The following FANCB variants were observed in gnomAD, a reference collection of about 807,000 sequenced individuals.
The protein encoded by FANCB is Fanconi anemia group B protein.
Under a neutral mutation model 38.9 loss-of-function variants are expected in FANCB, and 5 were observed. The observed-to-expected ratio is 0.13, with a 90% confidence interval of 0.07 to 0.27. FANCB has a LOEUF of 0.27. Among genes scored for constraint, FANCB ranks in the 10% least tolerant of loss-of-function variants. The pLI is 1.00. For missense variants in FANCB, 573 were observed against 602.7 expected, an observed-to-expected ratio of 0.95 and a Z score of 0.52; for synonymous variants, 236 against 215.4, an observed-to-expected ratio of 1.10 and a Z score of -0.84.
At chrX:14,868,334 A>C (rs976199587) in intron 2 of FANCB, among the ~76,000 whole-genome samples, 2 of 111,953 alleles carry the variant, frequency 1.8e-5, no homozygotes, top group Admixed American at 1.9e-4. Context: ...ATGGATTAAA[A>C]AATTTGGTGT....
At chrX:14,795,923 A>G in the FANCB span, among the ~76,000 whole-genome samples, 1 of 111,996 alleles carries the variant, frequency 8.9e-6, no homozygotes, top group Non-Finnish European at 1.9e-5. Flanking sequence ...AAAAAGAGGT[A>G]GCACTACAGA....
At chrX:14,725,566 C>T in the FANCB span, among the ~76,000 whole-genome samples, 1 of 111,770 alleles carries the variant, frequency 8.9e-6, no homozygotes, top group Non-Finnish European at 1.9e-5. Flanking sequence ...TTTACTTCCT[C>T]CTTTCTCAAG....
Position 14,843,989 on chromosome X carries a change from A to T in FANCB, c.2166-8T>A. 8.4e-7 allele frequency: 1 copy of T among 1,195,820 alleles called. No individual in the cohort carries two copies. The highest frequency in any genetic ancestry group is 1.1e-6 in the Non-Finnish European group (1 of 882,599). Reference sequence around the variant, plus strand: ...AACATAACTGTTTGATTCCTAAAATAAAAAAACAAACAAAATATTACAAAA... The same window carrying T: ...AACATAACTGTTTGATTCCTAAAATTAAAAAACAAACAAAATATTACAAAA... On this transcript the variant is annotated splice_region_variant and splice_polypyrimidine_tract_variant and intron_variant, in intron 9 of 9. Transcript: ENST00000650831.
the FANCB span, among the ~76,000 whole-genome samples, chrX:14,808,151 T>C: frequency 3.6e-5 from 4 of 111,853 alleles, no homozygotes; most frequent in African/African-American, 1.3e-4. Flanking sequence ...GGAGAGCTAA[T>C]CAATCCTACT....
chrX:14,757,559 C>T, the FANCB span, among the ~76,000 whole-genome samples: 1 of 111,988 alleles, frequency 8.9e-6, no homozygotes, highest in Non-Finnish European at 1.9e-5. Flanking sequence ...CAAACACAGA[C>T]CCTCACTGGG....
the FANCB span, among the ~76,000 whole-genome samples, chrX:14,744,316 C>T: frequency 8.9e-6 from 1 of 112,240 alleles, no homozygotes; most frequent in South Asian, 3.7e-4. Context: ...TCTAATGAGA[C>T]TGAACTTAGT....
At chrX:14,772,796 G>A in the FANCB span, among the ~76,000 whole-genome samples, 8 of 111,822 alleles carry the variant, frequency 7.2e-5, no homozygotes, top group East Asian at 1.1e-3. Context: ...CCAGACCCAA[G>A]GCCCTGGTGG....
At chrX:14,784,914 A>G in the FANCB span, among the ~76,000 whole-genome samples, 6 of 112,049 alleles carry the variant, frequency 5.4e-5, no homozygotes, top group Non-Finnish European at 9.4e-5. Context: ...TAACACAGGA[A>G]CAGAAAACCA....
the FANCB span, among the ~76,000 whole-genome samples, chrX:14,755,385 T>A: frequency 1.5e-4 from 17 of 111,210 alleles, no homozygotes; most frequent in Admixed American, 3.8e-4. Context: ...CTTATATATT[T>A]AAAAAAAATC....
intron 1 of FANCB, among the ~76,000 whole-genome samples, chrX:14,870,515 T>G (rs1481025170): frequency 1.8e-5 from 2 of 111,855 alleles, no homozygotes; most frequent in Non-Finnish European, 3.8e-5. Flanking sequence ...ACATAATTAA[T>G]TTGAGCTTTT....
At chrX:14,689,905 T>C in the FANCB span, among the ~76,000 whole-genome samples, 1 of 112,366 alleles carries the variant, frequency 8.9e-6, no homozygotes, top group African/African-American at 3.2e-5. Context: ...TTTCAGAATC[T>C]ACTTTGTCAA....
the FANCB span, chrX:14,690,717 A>G: frequency 8.5e-7 from 1 of 1,180,269 alleles, no homozygotes; most frequent in Non-Finnish European, 1.2e-6. Flanking sequence ...CAGGTCTCCT[A>G]TGTAAAAGCG....
chrX:14,733,250 C>A, the FANCB span, among the ~76,000 whole-genome samples: 2 of 111,676 alleles, frequency 1.8e-5, no homozygotes, highest in Non-Finnish European at 3.8e-5. Flanking sequence ...GGTACCAGTA[C>A]CATGCTGTTA....
downstream of FANCB, among the ~76,000 whole-genome samples, chrX:14,835,650 G>C (rs2092339252): frequency 9.0e-6 from 1 of 111,418 alleles, no homozygotes; most frequent in Admixed American, 9.5e-5. Flanking sequence ...GAGAACCACT[G>C]ATGTAGAGAA....
At chrX:14,753,987 C>T in the FANCB span, among the ~76,000 whole-genome samples, 40 of 112,219 alleles carry the variant, frequency 3.6e-4, no homozygotes, top group Admixed American at 1.8e-3. Flanking sequence ...TTTACACAGC[C>T]GCATTGCTCC....
intron 9 of FANCB, 145 bp downstream of exon 9, chrX:14,844,358 G>T: frequency 2.0e-6 from 1 of 502,282 alleles, no homozygotes; most frequent in Non-Finnish European, 3.5e-6. Flanking sequence ...AAATGAAGCC[G>T]ATGCGTTCAT....
At chrX:14,861,871 G>A (rs182853664) in intron 3 of FANCB, among the ~76,000 whole-genome samples, 1 of 110,057 alleles carries the variant, frequency 9.1e-6, no homozygotes, top group East Asian at 2.9e-4. Context: ...TTTGCAGACA[G>A]ATCTTGCTCT....
the FANCB span, among the ~76,000 whole-genome samples, chrX:14,809,278 T>C: frequency 8.9e-6 from 1 of 112,536 alleles, no homozygotes; most frequent in Non-Finnish European, 1.9e-5. Context: ...TTTCTGCATT[T>C]CCATCTGAGG....
At chrX:14,831,179 T>C (rs1026678898), downstream of FANCB, among the ~76,000 whole-genome samples, 2 of 112,166 alleles carry the variant, frequency 1.8e-5, no homozygotes, top group African/African-American at 6.5e-5. Context: ...CATTCATTCA[T>C]GTTTTCTTGA....
Sources: allele counts gnomAD v4.1 joint callset (sites outside exome capture counted in the v4.1 genomes callset), GRCh38; gene constraint gnomAD v4.1.1; transcripts MANE v1.5; gene names NCBI Gene and HGNC (gene_info 2026-07-23, HGNC 2026-07-21).